Variants in NOL10 observed in about 807,000 individuals in gnomAD.
NOL10 encodes nucleolar protein 10.
Under a neutral mutation model 103.5 loss-of-function variants are expected in NOL10, and 58 were observed. The ratio of observed to expected loss-of-function variants is 0.56; its 90% CI spans 0.45 to 0.70. NOL10 has a LOEUF of 0.70. Ranked by LOEUF, NOL10 falls within the 30% of genes least tolerant of loss-of-function variation. NOL10 has a pLI of 0.00. For missense variants in NOL10, 763 were observed against 807.3 expected, an observed-to-expected ratio of 0.95 and a Z score of 0.67; for synonymous variants, 287 against 282.5, an observed-to-expected ratio of 1.02 and a Z score of -0.16.
intron 6 of NOL10, among the ~76,000 whole-genome samples, chr2:10,670,949 C>T (rs1486464998): frequency 6.6e-6 from 1 of 152,130 alleles, no homozygotes; most frequent in African/African-American, 2.4e-5. Flanking sequence ...TAATGTAGGA[C>T]ATCAACTACA....
intron 20 of NOL10, among the ~76,000 whole-genome samples, chr2:10,574,875 T>C (rs931446313): frequency 6.6e-6 from 1 of 152,166 alleles, no homozygotes; most frequent in Non-Finnish European, 1.5e-5. Flanking sequence ...CCAGACTTTC[T>C]CCACCAAGGT....
intron 19 of NOL10, among the ~76,000 whole-genome samples, chr2:10,580,578 T>A (rs1488289678): frequency 6.6e-6 from 1 of 152,198 alleles, no homozygotes; most frequent in African/African-American, 2.4e-5. Flanking sequence ...TTACTCAGTG[T>A]AGAATGCAGA....
intron 3 of NOL10, among the ~76,000 whole-genome samples, chr2:10,679,473 A>C (rs946642127): frequency 6.6e-6 from 1 of 152,198 alleles, no homozygotes; most frequent in Non-Finnish European, 1.5e-5. Flanking sequence ...TCAAGGTTAC[A>C]ATGAGTGAAA....
chr2:10,684,297 A>G (rs918508584), intron 2 of NOL10, among the ~76,000 whole-genome samples: 1 of 150,286 alleles, frequency 6.7e-6, no homozygotes, highest in Non-Finnish European at 1.5e-5. Context: ...AAAAAGGAGA[A>G]GAGCTGCGTA....
chr2:10,677,943 A>G (rs568582859), intron 3 of NOL10, among the ~76,000 whole-genome samples: 347 of 139,168 alleles, frequency 2.5e-3, no homozygotes, highest in African/African-American at 8.5e-3. Flanking sequence ...ACATATATAT[A>G]CACACATAAT....
rs1680292513 is a variant in NOL10 at position 10,662,806 on chromosome 2, T to G, written c.677+153A>C. On this transcript the variant is annotated intron_variant, in intron 9 of 20. Coordinates refer to ENST00000381685, the MANE Select transcript of NOL10 (RefSeq NM_024894.4). ...AAGAAATTCTATCTGGCTTACTCAC[T>G]AGTGAGCTTTTACAGGAGAGGATCT... Among the ~76,000 whole-genome samples, 3 of 152,244 alleles carry G rather than the reference T, an allele frequency of 2.0e-5. No individual in the cohort carries two copies. The South Asian group carries it at 6.2e-4, about 31-fold the overall frequency.
chr2:10,649,901 T>G (rs1264835871), intron 12 of NOL10, among the ~76,000 whole-genome samples: 3 of 152,166 alleles, frequency 2.0e-5, no homozygotes, highest in African/African-American at 7.2e-5. Flanking sequence ...TGAATTTCCA[T>G]GTCATAAAAT....
At chr2:10,675,684 T>C (rs956154426) in intron 4 of NOL10, 110 bp downstream of exon 4, 7 of 622,854 alleles carry the variant, frequency 1.1e-5, no homozygotes, top group African/African-American at 5.6e-5. Flanking sequence ...GTACAGTAAT[T>C]TGTTATACAG....
chr2:10,620,240 T>TA (rs1677058113), intron 13 of NOL10, among the ~76,000 whole-genome samples: 1 of 152,218 alleles, frequency 6.6e-6, no homozygotes, highest in Non-Finnish European at 1.5e-5. Context: ...TGCATATTCT[T>TA]ATTGCTTTCT....
chr2:10,614,152 G>A (rs1676715029), intron 13 of NOL10, among the ~76,000 whole-genome samples: 1 of 152,132 alleles, frequency 6.6e-6, no homozygotes, highest in African/African-American at 2.4e-5. Flanking sequence ...TAGAGACAGT[G>A]TTTCACCACG....
intron 5 of NOL10, chr2:10,673,254 C>A: frequency 3.4e-6 from 1 of 290,166 alleles, no homozygotes; most frequent in Non-Finnish European, 6.4e-6. Context: ...GCTGCCAATT[C>A]TTAAAAATAC....
In NOL10 at chr2:10,668,759, A is replaced by G. The variant is rs767409237; in HGVS notation, c.465-36T>C. ...ATAAAGAAAGTTAAAAACCTGCTAA[A>G]CTACAATGAAACTTTAAGTAAATAT... On this transcript the variant is annotated intron_variant, in intron 6 of 20. Coordinates refer to ENST00000381685, the MANE Select transcript of NOL10 (RefSeq NM_024894.4). 11 of 914,434 alleles carry G rather than the reference A, an allele frequency of 1.2e-5. No homozygotes were observed. In the Admixed American group the frequency reaches 1.8e-4, roughly 15 times the overall value. The allele number at this position is 914,434 out of a possible 1,614,324, so 56.6% of individuals were successfully genotyped here.
In NOL10 at chr2:10,655,777, C is replaced by T. The variant is rs569842084; in HGVS notation, c.907-1230G>A. Among the ~76,000 whole-genome samples the T allele has an allele frequency of 2.0e-5, 3 of 152,310 alleles. No homozygotes were observed. In the South Asian group the frequency reaches 6.2e-4, roughly 32 times the overall value. On this transcript the variant is annotated intron_variant, in intron 11 of 20. Coordinates refer to ENST00000381685, the MANE Select transcript of NOL10 (RefSeq NM_024894.4). Reference sequence around the variant, plus strand: ...TCTGCCAGCTCTTGCATTTGTAACTCATTATGCAAAGTCTGACACTAGGAT... The same window carrying T: ...TCTGCCAGCTCTTGCATTTGTAACTTATTATGCAAAGTCTGACACTAGGAT...
At chr2:10,588,544 C>T (rs1675234491) in intron 19 of NOL10, among the ~76,000 whole-genome samples, 1 of 152,036 alleles carries the variant, frequency 6.6e-6, no homozygotes, top group South Asian at 2.1e-4. Flanking sequence ...TAAACATAAC[C>T]GAGGTTCTAA....
intron 4 of NOL10, 125 bp from the exon 5 acceptor site, chr2:10,673,682 C>A: frequency 3.6e-6 from 2 of 553,682 alleles, no homozygotes; most frequent in Non-Finnish European, 6.2e-6. Context: ...TCTGCCTCTA[C>A]GTGAAACAAG....
rs959931848 is a variant in NOL10, at chr2:10,570,907, A to G, written c.*1164T>C. The G allele has an allele frequency of 1.3e-5, 2 of 150,768 alleles. No homozygotes were observed. Among genetic ancestry groups the G allele is most frequent in the Non-Finnish European group, 2.9e-5 (2 of 67,812 alleles). 9.3% of individuals were successfully genotyped at this position (150,768 alleles called of 1,614,324 possible). ...CAACAGCCTCTACTGCTTGTTTCCC[A>G]TTATTACAGGTTGGGTATCCCTTAT... On this transcript the variant is annotated 3_prime_UTR_variant, in exon 21 of 21. Transcript: ENST00000381685.
In NOL10 at chr2:10,668,735, TAAAG is replaced by T. The variant is rs1256858594; in HGVS notation, c.465-16_465-13del. The T allele has an allele frequency of 5.4e-6, 7 of 1,299,076 alleles. No individual in the cohort carries two copies. The highest frequency in any genetic ancestry group is 2.2e-5 in the Admixed American group (1 of 46,368). The allele number at this position is 1,299,076 out of a possible 1,614,324, so 80.5% of individuals were successfully genotyped here. ...TATAAACTTCAGAACTGTAAAGTAA[TAAAG>T]AAAGTTAAAAACCTGCTAAACTACA... On this transcript the variant is annotated splice_polypyrimidine_tract_variant and intron_variant, in intron 6 of 20. Transcript: ENST00000381685.
At chr2:10,682,513 C>T (rs957317402) in intron 2 of NOL10, among the ~76,000 whole-genome samples, 2 of 151,320 alleles carry the variant, frequency 1.3e-5, no homozygotes, top group Non-Finnish European at 2.9e-5. Context: ...GATCCTCACA[C>T]CTCAGCCCCC....
chr2:10,626,226 A>T (rs765531159), intron 13 of NOL10, among the ~76,000 whole-genome samples: 1 of 152,146 alleles, frequency 6.6e-6, no homozygotes, highest in Non-Finnish European at 1.5e-5. Flanking sequence ...GTCAATATTC[A>T]TTACTTTAAA....
Sources: allele counts gnomAD v4.1 joint callset (sites outside exome capture counted in the v4.1 genomes callset), GRCh38; gene constraint gnomAD v4.1.1; transcripts MANE v1.5; gene names NCBI Gene and HGNC (gene_info 2026-07-23, HGNC 2026-07-21).